GLUD1: variants seen among roughly 807,000 people sequenced by gnomAD.
The protein encoded by GLUD1 is glutamate dehydrogenase 1.
In GLUD1, 22 loss-of-function variants were observed where a neutral mutation model predicts 56.0. The ratio of observed to expected loss-of-function variants is 0.39; its 90% CI spans 0.28 to 0.56. The LOEUF (loss-of-function observed/expected upper bound fraction) is 0.56. Among genes scored for constraint, GLUD1 ranks in the 20% least tolerant of loss-of-function variants. The pLI is 0.58. For missense variants in GLUD1, 451 were observed against 732.0 expected (o/e 0.62, Z 4.43); for synonymous variants, 223 against 269.9 (o/e 0.83, Z 1.70).
At position 87,053,397 on chromosome 10, in the gene GLUD1, G is replaced by T; in HGVS notation, c.1502C>A (p.Ser501Tyr). The T allele has an allele frequency of 6.2e-7, 1 of 1,603,280 alleles. No homozygotes were observed. Among genetic ancestry groups the T allele is most frequent in the Non-Finnish European group, 8.5e-7 (1 of 1,170,230 alleles). ...AEFQDRISGA[S>Y]EKDIVHSGLA... is the part of the protein sequence containing the mutation. ...GCCAGAGTGCACGATGTCTTTCTCA[G>T]ATGCACCCTATTAGGGAAAAGAACA... The change falls in exon 12 of 13, where the codon TCT (serine) becomes TAT (tyrosine). Residue 501 changes from serine (S) to tyrosine (Y), a missense_variant. Ser to Tyr is a moderately radical substitution (Grantham distance 144, BLOSUM62 -2). Around this residue, in one of 4 missense-constraint regions of GLUD1, gnomAD observed 2 missense variants for 20.7 expected, o/e 0.10. Coordinates refer to ENST00000277865, the MANE Select transcript of GLUD1 (RefSeq NM_005271.5).
intron 1 of GLUD1, among the ~76,000 whole-genome samples, chr10:87,093,615 T>C (rs1053235527): frequency 6.6e-6 from 1 of 152,252 alleles, no homozygotes; most frequent in Admixed American, 6.5e-5. Context: ...ATTGGCTGGC[T>C]GGCCATCCGC....
intron 4 of GLUD1, among the ~76,000 whole-genome samples, chr10:87,069,430 G>A (rs1164239387): frequency 2.0e-5 from 3 of 151,206 alleles, no homozygotes; most frequent in East Asian, 1.9e-4. Flanking sequence ...CAGGAGAATC[G>A]CTTGAATGGA....
chr10:87,094,827 T>TC lies in GLUD1; in HGVS notation c.-59dup. On this transcript the variant is annotated 5_prime_UTR_variant, in exon 1 of 13. Transcript: ENST00000277865. The surrounding 1 kb of genome is among the most constrained non-coding windows in gnomAD (Gnocchi z 6.6). ...GCGAAACAGGCGCGCTTTCTCAGAC[T>TC]CCCCGCGACTAGGGAGGAAGGGTCC... The TC allele has an allele frequency of 7.6e-7, 1 of 1,320,748 alleles. No homozygotes were observed. The highest frequency in any genetic ancestry group is 3.0e-5 in the East Asian group (1 of 33,644). The allele number at this position is 1,320,748 out of a possible 1,614,324, so 81.8% of individuals were successfully genotyped here.
chr10:87,094,227 T>A lies in GLUD1; in HGVS notation c.445+98A>T. The A allele has an allele frequency of 3.4e-6, 5 of 1,462,532 alleles. No homozygotes were observed. Among genetic ancestry groups the A allele is most frequent in the Non-Finnish European group, 3.7e-6 (4 of 1,089,090 alleles). 90.6% of individuals were successfully genotyped at this position (1,462,532 alleles called of 1,614,324 possible). ...GGGACCCGGCCCGCTCCAGCTGGGC[T>A]GGGCTGGGCTGAGCAGCGGCCCCGC... is the stretch of plus-strand genomic sequence containing the variant. On this transcript the variant is annotated intron_variant, in intron 1 of 12. Coordinates refer to ENST00000277865, the MANE Select transcript of GLUD1 (RefSeq NM_005271.5). The surrounding 1 kb of genome is among the most constrained non-coding windows in gnomAD (Gnocchi z 6.6).
chr10:87,074,347 A>G (rs1846323438), intron 4 of GLUD1, among the ~76,000 whole-genome samples: 2 of 152,162 alleles, frequency 1.3e-5, no homozygotes, highest in Non-Finnish European at 1.5e-5. Context: ...GTAAAAATAC[A>G]AAAATCAGCT....
chr10:87,058,757 G>A (rs1000404995), intron 10 of GLUD1, among the ~76,000 whole-genome samples: 14 of 152,296 alleles, frequency 9.2e-5, no homozygotes, highest in African/African-American at 2.9e-4. Context: ...CGGGCGTGGC[G>A]GTGAGTGCCT....
intron 6 of GLUD1, among the ~76,000 whole-genome samples, chr10:87,061,792 CT>C (rs1012998798): frequency 6.8e-6 from 1 of 146,566 alleles, no homozygotes; most frequent in Non-Finnish European, 1.5e-5. Flanking sequence ...ATTTTTCTTT[CT>C]TTTTTTTTGA....
chr10:87,094,050 G>C lies in GLUD1; in HGVS notation c.445+275C>G, dbSNP rs551089914. On this transcript the variant is annotated intron_variant, in intron 1 of 12. Transcript: ENST00000277865. The surrounding 1 kb of genome is among the most constrained non-coding windows in gnomAD (Gnocchi z 6.6). Reference sequence around the variant, plus strand: ...CAGACACCGGGACCAAAAGGAGACCGGTGCAGCGTCTACTCTGCATGCAAG... The same window carrying C: ...CAGACACCGGGACCAAAAGGAGACCCGTGCAGCGTCTACTCTGCATGCAAG... The C allele has an allele frequency of 7.3e-6, 11 of 1,504,626 alleles. No homozygotes were observed. The highest frequency in any genetic ancestry group is 3.4e-4 in the Middle Eastern group (2 of 5,824). The allele number at this position is 1,504,626 out of a possible 1,614,324, so 93.2% of individuals were successfully genotyped here.
At chr10:87,052,669 CAAAAAAAAAAAAAAA>C (rs751155208) in intron 12 of GLUD1, among the ~76,000 whole-genome samples, 3 of 41,724 alleles carry the variant, frequency 7.2e-5, no homozygotes, top group Non-Finnish European at 1.4e-4. Context: ...AACTCCGTCT[CAAAAAAAAAAAAAAA>C]AAAAAAAAAA....
At chr10:87,064,064 G>C (rs1439812512) in intron 5 of GLUD1, among the ~76,000 whole-genome samples, 1 of 152,146 alleles carries the variant, frequency 6.6e-6, no homozygotes, top group African/African-American at 2.4e-5. Flanking sequence ...ATTTTTAGTA[G>C]AGATGGGGTA....
At position 87,050,430 on chromosome 10, in the gene GLUD1, T is replaced by G. The variant is rs1440929523; in HGVS notation, c.*1321A>C. The G allele has an allele frequency of 6.6e-6, 1 of 152,076 alleles. No individual in the cohort carries two copies. The highest frequency in any genetic ancestry group is 1.5e-5 in the Non-Finnish European group (1 of 67,996). The allele number at this position is 152,076 out of a possible 1,614,324, so 9.4% of individuals were successfully genotyped here. ...CATTTCAGAAATCCAATTGCAGTAT[T>G]ATAACTTATGAAAAGAGAAACTACC... is the stretch of plus-strand genomic sequence containing the variant. On this transcript the variant is annotated 3_prime_UTR_variant, in exon 13 of 13. Transcript: ENST00000277865.
At chr10:87,057,220 T>A (rs1352845704) in intron 11 of GLUD1, among the ~76,000 whole-genome samples, 2 of 152,090 alleles carry the variant, frequency 1.3e-5, no homozygotes, top group Non-Finnish European at 2.9e-5. Context: ...ATGACTTGAC[T>A]TCGTGATCCA....
chr10:87,076,835 A>G (rs552528339), intron 1 of GLUD1, among the ~76,000 whole-genome samples, 179 bp from the exon 2 acceptor site: 4 of 152,354 alleles, frequency 2.6e-5, no homozygotes, highest in African/African-American at 9.6e-5. Flanking sequence ...GAACACCATG[A>G]AAAATGAATA....
chr10:87,089,987 T>G (rs2133859593), intron 1 of GLUD1, among the ~76,000 whole-genome samples: 1 of 152,348 alleles, frequency 6.6e-6, no homozygotes, highest in South Asian at 2.1e-4. Context: ...ACAAAATTTA[T>G]GGGCTATTTA....
chr10:87,069,380 T>C (rs1480625642), intron 4 of GLUD1, among the ~76,000 whole-genome samples: 2 of 151,918 alleles, frequency 1.3e-5, no homozygotes, highest in African/African-American at 2.4e-5. Context: ...CCGGGCGTGG[T>C]GGCACATGTC....
chr10:87,078,656 T>C (rs562106874), intron 1 of GLUD1, among the ~76,000 whole-genome samples: 1 of 152,284 alleles, frequency 6.6e-6, no homozygotes, highest in South Asian at 2.1e-4. Context: ...ACAAAAATAT[T>C]TGACATACAT....
At chr10:87,054,803 C>G (rs1429597003) in intron 11 of GLUD1, among the ~76,000 whole-genome samples, 1 of 152,178 alleles carries the variant, frequency 6.6e-6, no homozygotes, top group Admixed American at 6.5e-5. Flanking sequence ...GAGGAGCAGA[C>G]TTGCTAGAGC....
chr10:87,065,922 T>C (rs556337091), intron 5 of GLUD1, among the ~76,000 whole-genome samples: 6 of 152,250 alleles, frequency 3.9e-5, no homozygotes, highest in African/African-American at 1.4e-4. Context: ...CTTCAGGTGG[T>C]CTGCCCATGT....
At position 87,050,572 on chromosome 10, in the gene GLUD1, G is replaced by A. The variant is rs1364890358; in HGVS notation, c.*1179C>T. The A allele has an allele frequency of 6.7e-6, 1 of 150,152 alleles. No homozygotes were observed. Among genetic ancestry groups the A allele is most frequent in the African/African-American group, 2.5e-5 (1 of 40,732 alleles). The allele number at this position is 150,152 out of a possible 1,614,324, so 9.3% of individuals were successfully genotyped here. ...AAGTAGTTAGAAATTTCTGAAGGGT[G>A]TTAGAGTTAAAAAAAAAAAAAAAGC... is the stretch of plus-strand genomic sequence containing the variant. On this transcript the variant is annotated 3_prime_UTR_variant, in exon 13 of 13. Coordinates refer to ENST00000277865, the MANE Select transcript of GLUD1 (RefSeq NM_005271.5).
Sources: gnomAD v4.1 joint callset for allele counts (sites outside exome capture counted in the v4.1 genomes callset) on GRCh38, gnomAD v4.1.1 for gene constraint, gnomAD v4.1.1 regional missense constraint, Gnocchi (gnomAD v3.1) non-coding constraint, MANE v1.5 for transcripts, NCBI Gene and HGNC (gene_info 2026-07-23, HGNC 2026-07-21) for gene names.